ADAMTS6: variants seen among roughly 807,000 people sequenced by gnomAD.
ADAMTS6 encodes the protein A disintegrin and metalloproteinase with thrombospondin motifs 6.
ADAMTS6 carries 23 observed loss-of-function variants against 144.3 expected under a neutral mutation model. The observed-to-expected ratio is 0.16, with a 90% confidence interval of 0.11 to 0.23. ADAMTS6 has a LOEUF of 0.23. Among genes scored for constraint, ADAMTS6 ranks in the 10% least tolerant of loss-of-function variants. The pLI, the probability that ADAMTS6 is intolerant of heterozygous loss-of-function variation, is 1.00. For synonymous variants in ADAMTS6, 444 were observed against 457.5 expected (o/e 0.97, Z 0.38); for missense variants, 999 against 1,379.6 (o/e 0.72, Z 4.37).
chr5:65,451,373 C>G, intron 7 of ADAMTS6, 102 bp downstream of exon 7: 1 of 1,341,326 alleles, frequency 7.5e-7, no homozygotes, highest in Non-Finnish European at 1.0e-6. Context: ...ATTTTGCTTT[C>G]TCTATACTCA....
At chr5:65,452,462 T>TAA (rs397976555) in intron 5 of ADAMTS6, among the ~76,000 whole-genome samples, 44,411 of 137,308 alleles carry the variant, frequency 0.32, 7,408 homozygotes, top group South Asian at 0.42. Flanking sequence ...TGTTTCAAGT[T>TAA]AAAAAAAAAA....
At chr5:65,330,175 T>C (rs954503514) in intron 8 of ADAMTS6, among the ~76,000 whole-genome samples, 3 of 152,078 alleles carry the variant, frequency 2.0e-5, no homozygotes, top group African/African-American at 7.2e-5. Flanking sequence ...GCAAATACTA[T>C]GGTGTTAATT....
At chr5:65,393,808 T>C (rs1753115106) in intron 7 of ADAMTS6, among the ~76,000 whole-genome samples, 1 of 152,226 alleles carries the variant, frequency 6.6e-6, no homozygotes, top group African/African-American at 2.4e-5. Context: ...AAACAATCTT[T>C]CCAAAATGAT....
intron 20 of ADAMTS6, among the ~76,000 whole-genome samples, chr5:65,199,891 G>T (rs979139623): frequency 6.6e-6 from 1 of 152,018 alleles, no homozygotes; most frequent in Non-Finnish European, 1.5e-5. Context: ...TAAAAACTGG[G>T]AATCAAGAGT....
chr5:65,322,583 G>C (rs781228088), intron 9 of ADAMTS6, among the ~76,000 whole-genome samples: 4 of 119,936 alleles, frequency 3.3e-5, no homozygotes, highest in Non-Finnish European at 6.7e-5. Flanking sequence ...TTTTTTTGTA[G>C]AGATCTTTCA....
chr5:65,257,047 C>G (rs1431796309), intron 14 of ADAMTS6, among the ~76,000 whole-genome samples: 1 of 116,412 alleles, frequency 8.6e-6, no homozygotes, highest in African/African-American at 3.4e-5. Flanking sequence ...CCAGGATGGT[C>G]TTGAACTCCT....
chr5:65,437,604 A>G (rs1415903239), intron 7 of ADAMTS6, among the ~76,000 whole-genome samples: 1 of 152,078 alleles, frequency 6.6e-6, no homozygotes, highest in African/African-American at 2.4e-5. Flanking sequence ...CCTTTGGTAT[A>G]CTCTCAAGAT....
chr5:65,449,286 C>T (rs1758545280), intron 7 of ADAMTS6, among the ~76,000 whole-genome samples: 1 of 152,136 alleles, frequency 6.6e-6, no homozygotes, highest in Non-Finnish European at 1.5e-5. Flanking sequence ...GTTATCATTT[C>T]TAGTACTAGT....
chr5:65,296,292 T>A (rs1000471902), intron 10 of ADAMTS6, among the ~76,000 whole-genome samples: 2 of 152,194 alleles, frequency 1.3e-5, no homozygotes. Flanking sequence ...TCTTACGTAC[T>A]ATAGTCTCAT....
chr5:65,265,060 G>A (rs894598374), intron 12 of ADAMTS6, among the ~76,000 whole-genome samples: 1 of 151,928 alleles, frequency 6.6e-6, no homozygotes, highest in African/African-American at 2.4e-5. Flanking sequence ...ACAGCATAAC[G>A]GACTTTTTAG....
At chr5:65,247,416 AC>A (rs1759725740) in intron 14 of ADAMTS6, among the ~76,000 whole-genome samples, 1 of 152,108 alleles carries the variant, frequency 6.6e-6, no homozygotes, top group African/African-American at 2.4e-5. Context: ...CTGCTTACAA[AC>A]TTTTTAGTGG....
chr5:65,156,784 A>G (rs900214732), intron 24 of ADAMTS6, among the ~76,000 whole-genome samples: 2 of 152,184 alleles, frequency 1.3e-5, no homozygotes, highest in African/African-American at 2.4e-5. Flanking sequence ...AAGGAGGCTT[A>G]TTTTCTCTTC....
At chr5:65,267,115 A>G (rs947823311) in intron 12 of ADAMTS6, among the ~76,000 whole-genome samples, 2 of 137,894 alleles carry the variant, frequency 1.5e-5, no homozygotes, top group African/African-American at 2.6e-5. Flanking sequence ...GTGTTGTGCC[A>G]TCTGTTTTTA....
chr5:65,224,309 G>C lies in ADAMTS6; in HGVS notation c.2272+11C>G. On this transcript the variant is annotated intron_variant, in intron 18 of 24. Coordinates refer to ENST00000381055, the MANE Select transcript of ADAMTS6 (RefSeq NM_197941.4). ...TAAAATCCAGCAAACTAGCATACCA[G>C]TCTAACATACCAATATAGTTCTTTG... is the stretch of plus-strand genomic sequence containing the variant. 2 of 1,611,398 alleles carry C rather than the reference G, an allele frequency of 1.2e-6. No homozygotes were observed. The highest frequency in any genetic ancestry group is 1.7e-6 in the Non-Finnish European group (2 of 1,177,724).
chr5:65,375,787 T>C (rs1751473045), intron 7 of ADAMTS6, among the ~76,000 whole-genome samples: 1 of 152,232 alleles, frequency 6.6e-6, no homozygotes, highest in Non-Finnish European at 1.5e-5. Flanking sequence ...TTATAAATCA[T>C]GCTGCTATAA....
chr5:65,282,272 G>A (rs1189758600), intron 11 of ADAMTS6, among the ~76,000 whole-genome samples: 1 of 152,140 alleles, frequency 6.6e-6, no homozygotes, highest in Non-Finnish European at 1.5e-5. Flanking sequence ...CCAGGTCATA[G>A]ATGGAGTAGA....
chr5:65,344,194 A>G (rs2150079245), intron 7 of ADAMTS6, among the ~76,000 whole-genome samples: 1 of 152,066 alleles, frequency 6.6e-6, no homozygotes, highest in Admixed American at 6.6e-5. Flanking sequence ...AAGCCTATGA[A>G]TAGAGAGTTT....
chr5:65,381,005 CA>C, intron 7 of ADAMTS6, among the ~76,000 whole-genome samples: 1 of 152,206 alleles, frequency 6.6e-6, no homozygotes, highest in South Asian at 2.1e-4. Context: ...GTAAATTAAG[CA>C]AAAGTACAGA....
chr5:65,407,657 A>G (rs1754662506), intron 7 of ADAMTS6, among the ~76,000 whole-genome samples: 2 of 152,094 alleles, frequency 1.3e-5, no homozygotes, highest in Admixed American at 1.3e-4. Flanking sequence ...GTCCCTACAA[A>G]GGACATGAAC....
Sources: allele counts gnomAD v4.1 joint callset (sites outside exome capture counted in the v4.1 genomes callset), GRCh38; gene constraint gnomAD v4.1.1; transcripts MANE v1.5; gene names NCBI Gene and HGNC (gene_info 2026-07-23, HGNC 2026-07-21).